CNIH3: variants seen among roughly 807,000 people sequenced by gnomAD.
The protein encoded by CNIH3 is protein cornichon homolog 3.
A neutral mutation model predicts 24.1 loss-of-function variants in CNIH3; 14 were observed. The ratio of observed to expected loss-of-function variants is 0.58; its 90% CI spans 0.38 to 0.91. CNIH3 has a LOEUF of 0.91. Among genes scored for constraint, CNIH3 ranks in the 40% least tolerant of loss-of-function variants. The pLI is 0.00. For missense variants in CNIH3, 178 were observed against 196.8 expected, an observed-to-expected ratio of 0.90 and a Z score of 0.57; for synonymous variants, 68 against 73.8, an observed-to-expected ratio of 0.92 and a Z score of 0.40.
chr1:224,483,420 G>C (rs1018450573), intron 1 of CNIH3, among the ~76,000 whole-genome samples: 3 of 147,734 alleles, frequency 2.0e-5, no homozygotes, highest in African/African-American at 7.5e-5. Flanking sequence ...ACAGAGTCTT[G>C]CTCTGTTGTC....
chr1:224,539,366 A>T (rs777418629), downstream of CNIH3, among the ~76,000 whole-genome samples: 23 of 152,170 alleles, frequency 1.5e-4, 1 homozygote, highest in Non-Finnish European at 5.9e-5. Flanking sequence ...TTCCCAGTCC[A>T]ATACCTTGAT....
chr1:224,498,945 T>C (rs1243924011), intron 1 of CNIH3, among the ~76,000 whole-genome samples: 1 of 152,232 alleles, frequency 6.6e-6, no homozygotes, highest in Non-Finnish European at 1.5e-5. Flanking sequence ...CTGGAGCCTC[T>C]TCCTGTCCGC....
Position 224,739,554 on chromosome 1 carries a change from T to G in CNIH3, c.*198T>G. On this transcript the variant is annotated 3_prime_UTR_variant, in exon 6 of 6. Transcript: ENST00000272133. ...AACCCTGCGTGTCTGTGTCACCCTGTTTGTCAATCTTTGGCATTCGAATTC... is the reference window on the plus strand; with the variant it reads ...AACCCTGCGTGTCTGTGTCACCCTGGTTGTCAATCTTTGGCATTCGAATTC... 1.0e-6 allele frequency: 1 copy of G among 960,232 alleles called. No individual in the cohort carries two copies. The allele number at this position is 960,232 out of a possible 1,614,324, so 59.5% of individuals were successfully genotyped here. A position where few individuals can be genotyped will look rare whatever the true frequency, so the allele number is the denominator to read the frequency against.
At chr1:224,593,342 C>A (rs1681843388), downstream of CNIH3, among the ~76,000 whole-genome samples, 1 of 150,536 alleles carries the variant, frequency 6.6e-6, no homozygotes, top group Non-Finnish European at 1.5e-5. Context: ...ACTTCTTAGG[C>A]AAAAACATGG....
In CNIH3 at chr1:224,678,060, G is replaced by A. The variant is rs554783806; in HGVS notation, c.82-2898G>A. ...CCGCTTGGTCTACATTTATATCAGGGTAAATGTGGATGTGGGTATTGACGA... is the reference window on the plus strand; with the variant it reads ...CCGCTTGGTCTACATTTATATCAGGATAAATGTGGATGTGGGTATTGACGA... On this transcript the variant is annotated intron_variant, in intron 1 of 5. Transcript: ENST00000272133. Among the ~76,000 whole-genome samples the A allele has an allele frequency of 1.2e-3, 182 of 152,298 alleles. 1 individual carries two copies. Among genetic ancestry groups the A allele is most frequent in the African/African-American group, 4.3e-3 (178 of 41,558 alleles).
intron 1 of CNIH3, among the ~76,000 whole-genome samples, chr1:224,634,089 A>T (rs1420461890): frequency 6.6e-6 from 1 of 152,210 alleles, no homozygotes; most frequent in Non-Finnish European, 1.5e-5. Context: ...CAAGGGGATG[A>T]CTACCCACCG....
chr1:224,593,266 C>T (rs1434734135), downstream of CNIH3, among the ~76,000 whole-genome samples: 3 of 151,906 alleles, frequency 2.0e-5, no homozygotes, highest in Non-Finnish European at 4.4e-5. Flanking sequence ...AGCTATCCTC[C>T]AGCTCAGCCA....
intron 3 of CNIH3, among the ~76,000 whole-genome samples, chr1:224,698,220 C>T (rs970456558): frequency 6.6e-6 from 1 of 152,170 alleles, no homozygotes; most frequent in African/African-American, 2.4e-5. Flanking sequence ...GTTAAATGTG[C>T]TATACAAATG....
upstream of CNIH3, among the ~76,000 whole-genome samples, chr1:224,511,778 T>C (rs1678160561): frequency 6.6e-6 from 1 of 152,110 alleles, no homozygotes; most frequent in Non-Finnish European, 1.5e-5. Flanking sequence ...CCTTTGAGTT[T>C]AGGAGGGCGA....
chr1:224,614,857 G>T (rs1252842137), upstream of CNIH3, among the ~76,000 whole-genome samples: 2 of 151,260 alleles, frequency 1.3e-5, no homozygotes, highest in African/African-American at 2.4e-5. Flanking sequence ...TAAGGCAGGA[G>T]AATCGCTTGA....
At chr1:224,598,674 A>G (rs1682088044) in intron 3 of CNIH3, among the ~76,000 whole-genome samples, 1 of 152,252 alleles carries the variant, frequency 6.6e-6, no homozygotes, top group African/African-American at 2.4e-5. Context: ...AGCAGCCATC[A>G]ACATGCAGGC....
chr1:224,629,650 G>A lies in CNIH3; in HGVS notation c.81+12395G>A, dbSNP rs578048414. ...TTGAGTCCCTGCCTCTAGTTCTCTT[G>A]TGTATGTATTCAGAGGTGGAATTGC... is the stretch of plus-strand genomic sequence containing the variant. On this transcript the variant is annotated intron_variant, in intron 1 of 5. Transcript: ENST00000272133. Among the ~76,000 whole-genome samples the A allele has an allele frequency of 1.3e-4, 20 of 152,214 alleles. 1 individual carries two copies. The East Asian group carries it at 3.7e-3, about 28-fold the overall frequency.
At chr1:224,724,319 A>G (rs941778059) in intron 3 of CNIH3, among the ~76,000 whole-genome samples, 33 of 152,182 alleles carry the variant, frequency 2.2e-4, no homozygotes, top group Non-Finnish European at 2.5e-4. Flanking sequence ...AGCAAGGCCT[A>G]TGGGGCTGGG....
At chr1:224,505,692 A>G (rs1677880378) in intron 1 of CNIH3, among the ~76,000 whole-genome samples, 1 of 152,008 alleles carries the variant, frequency 6.6e-6, no homozygotes, top group Non-Finnish European at 1.5e-5. Flanking sequence ...GGTCTGTTTG[A>G]CTCTAAGATC....
At position 224,604,621 on chromosome 1, in the gene CNIH3, T is replaced by A. The variant is rs1367139979; in HGVS notation, n.402+38357T>A. 6.6e-6 allele frequency among the ~76,000 whole-genome samples: 1 copy of A among 151,982 alleles called. No individual in the cohort carries two copies. ...GGATGGGGCTCCCAGACTGTTTAGC[T>A]AGAGGAGAGCAGAAGGCCAGAGGTG... On this transcript the variant is annotated intron_variant and non_coding_transcript_variant, in intron 3 of 7. Transcript: ENST00000478120. The surrounding 1 kb of genome is among the most constrained non-coding windows in gnomAD (Gnocchi z 4.4).
intron 1 of CNIH3, among the ~76,000 whole-genome samples, chr1:224,625,568 G>C (rs1393777325): frequency 6.6e-6 from 1 of 152,132 alleles, no homozygotes; most frequent in African/African-American, 2.4e-5. Flanking sequence ...AAGAAAAAAA[G>C]CACATTTTTG....
At chr1:224,615,348 G>T (rs1259046438), upstream of CNIH3, 1 of 152,048 alleles carries the variant, frequency 6.6e-6, no homozygotes, top group Non-Finnish European at 1.5e-5. Context: ...AGTTCTCTCT[G>T]GAATGACTGG....
At chr1:224,637,700 T>C (rs1684163663) in intron 1 of CNIH3, among the ~76,000 whole-genome samples, 2 of 152,176 alleles carry the variant, frequency 1.3e-5, no homozygotes, top group African/African-American at 4.8e-5. Flanking sequence ...AGTGGCCAGT[T>C]GCGGTCTTGT....
chr1:224,506,550 G>T (rs1677927907), intron 1 of CNIH3, among the ~76,000 whole-genome samples: 1 of 152,208 alleles, frequency 6.6e-6, no homozygotes, highest in Non-Finnish European at 1.5e-5. Flanking sequence ...GCAAGGAGGG[G>T]AGGATGAGTG....
Sources: gnomAD v4.1 joint callset for allele counts (sites outside exome capture counted in the v4.1 genomes callset) on GRCh38, gnomAD v4.1.1 for gene constraint, Gnocchi (gnomAD v3.1) non-coding constraint, MANE v1.5 for transcripts, NCBI Gene and HGNC (gene_info 2026-07-23, HGNC 2026-07-21) for gene names.